Variants in MED23 observed in about 807,000 individuals in gnomAD.
MED23 encodes the protein mediator of RNA polymerase II transcription subunit 23.
A neutral mutation model predicts 163.9 loss-of-function variants in MED23; 105 were observed. That is an observed-to-expected ratio of 0.64 (90% CI 0.55 to 0.75). The LOEUF (loss-of-function observed/expected upper bound fraction) is 0.75, where lower values mean the gene tolerates loss of function less well. Ranked by LOEUF, MED23 falls within the 30% of genes least tolerant of loss-of-function variation. The pLI, the probability that MED23 is intolerant of heterozygous loss-of-function variation, is 0.00. For missense variants in MED23, 1,054 were observed against 1,649.0 expected (o/e 0.64, Z 6.25); for synonymous variants, 561 against 565.6 (o/e 0.99, Z 0.12).
chr6:131,586,459 T>G (rs960443300), downstream of MED23, among the ~76,000 whole-genome samples: 1 of 152,126 alleles, frequency 6.6e-6, no homozygotes, highest in Non-Finnish European at 1.5e-5. Context: ...TTATATAAAT[T>G]TTTAGCTGGA....
At position 131,605,621 on chromosome 6, in the gene MED23, T is replaced by C. The variant is rs1775800076; in HGVS notation, c.1368-136A>G. 4 of 849,614 alleles carry C rather than the reference T, an allele frequency of 4.7e-6. No homozygotes were observed. The East Asian group carries it at 1.1e-4, about 23-fold the overall frequency. 52.6% of individuals were successfully genotyped at this position (849,614 alleles called of 1,614,324 possible). On this transcript the variant is annotated intron_variant, in intron 13 of 28. Coordinates refer to ENST00000368068, the MANE Select transcript of MED23 (RefSeq NM_004830.4). ...GTTCCTATAGGTATTATAGTTTCTG[T>C]GTGAAATGTACAGTGGGAATACACA...
chr6:131,625,861 G>C (rs1294181199), intron 3 of MED23, among the ~76,000 whole-genome samples: 1 of 152,070 alleles, frequency 6.6e-6, no homozygotes, highest in Admixed American at 6.5e-5. Context: ...GGTGGCTCAT[G>C]CCTGTAATCC....
At chr6:131,605,079 A>G (rs1775759806) in intron 14 of MED23, among the ~76,000 whole-genome samples, 161 bp downstream of exon 14, 1 of 152,164 alleles carries the variant, frequency 6.6e-6, no homozygotes, top group African/African-American at 2.4e-5. Context: ...TAGAATTCCT[A>G]TAATAAAAAA....
intron 20 of MED23, among the ~76,000 whole-genome samples, chr6:131,597,475 CAAAAAAAAA>C (rs59083644): frequency 9.3e-5 from 5 of 53,754 alleles, no homozygotes; most frequent in Non-Finnish European, 7.7e-5. Context: ...GACTCCATAT[CAAAAAAAAA>C]AAAAAAAAAA....
chr6:131,585,121 G>A (rs1041227787), downstream of MED23, among the ~76,000 whole-genome samples: 1 of 151,918 alleles, frequency 6.6e-6, no homozygotes, highest in Non-Finnish European at 1.5e-5. Flanking sequence ...ATTACCTATG[G>A]CTTCCAACGT....
At chr6:131,619,976 T>C (rs1776973164) in intron 7 of MED23, 80 bp from the exon 8 acceptor site, 4 of 862,534 alleles carry the variant, frequency 4.6e-6, no homozygotes, top group Non-Finnish European at 7.9e-6. Context: ...TATATGAACA[T>C]TTATATAAAA....
chr6:131,584,977 C>T (rs1201633962), downstream of MED23, among the ~76,000 whole-genome samples: 1 of 131,448 alleles, frequency 7.6e-6, no homozygotes. Flanking sequence ...CCAGCCTGGG[C>T]AACAGAATGA....
intron 4 of MED23, among the ~76,000 whole-genome samples, chr6:131,624,101 C>T (rs1210354919): frequency 1.3e-5 from 2 of 152,198 alleles, no homozygotes; most frequent in Non-Finnish European, 2.9e-5. Context: ...CCTTGTGGTA[C>T]ACTGGATTTT....
intron 11 of MED23, among the ~76,000 whole-genome samples, chr6:131,608,350 T>C (rs940257298): frequency 5.3e-5 from 8 of 152,174 alleles, no homozygotes; most frequent in African/African-American, 1.4e-4. Context: ...CATAGTCATA[T>C]ACAACATGCA....
At position 131,618,400 on chromosome 6, in the gene MED23, A is replaced by C; in HGVS notation, c.780+7T>G. 6.3e-7 allele frequency: 1 copy of C among 1,593,616 alleles called. No homozygotes were observed. The highest frequency in any genetic ancestry group is 2.2e-5 in the East Asian group (1 of 44,718). On this transcript the variant is annotated splice_region_variant and intron_variant, in intron 9 of 28. Coordinates refer to ENST00000368068, the MANE Select transcript of MED23 (RefSeq NM_004830.4). The stretch of plus-strand genomic sequence containing the variant: ...GACTAAAAGTGCCATTATATTTAGC[A>C]ACATACCTTATCATATGGCAAAAGG...
intron 9 of MED23, among the ~76,000 whole-genome samples, chr6:131,617,443 A>C (rs969400765): frequency 6.6e-6 from 1 of 151,326 alleles, no homozygotes; most frequent in Admixed American, 6.6e-5. Context: ...AAACCTTAGA[A>C]ACAGTTACGG....
chr6:131,586,257 AG>A (rs914155606), downstream of MED23, among the ~76,000 whole-genome samples: 3 of 152,012 alleles, frequency 2.0e-5, no homozygotes, highest in African/African-American at 7.2e-5. Context: ...AAAATTAGCC[AG>A]GCGTGGTGGC....
intron 30 of MED23, among the ~76,000 whole-genome samples, chr6:131,575,098 T>G (rs959237322): frequency 6.6e-6 from 1 of 152,138 alleles, no homozygotes; most frequent in Non-Finnish European, 1.5e-5. Flanking sequence ...AGCCCAATCA[T>G]GAGAAGCCAT....
At chr6:131,580,527 A>T (rs960609996) in intron 30 of MED23, among the ~76,000 whole-genome samples, 2 of 152,198 alleles carry the variant, frequency 1.3e-5, no homozygotes, top group African/African-American at 4.8e-5. Context: ...AAACCGCAAT[A>T]CTTTTGCACC....
At chr6:131,575,910 C>T (rs1023920569) in intron 30 of MED23, among the ~76,000 whole-genome samples, 3 of 152,154 alleles carry the variant, frequency 2.0e-5, no homozygotes, top group Non-Finnish European at 2.9e-5. Context: ...TTTTCAGCTC[C>T]CAGATGATGA....
intron 3 of MED23, among the ~76,000 whole-genome samples, chr6:131,626,100 C>T (rs140752652): frequency 0.046 from 5,916 of 129,162 alleles, 181 homozygotes; most frequent in Middle Eastern, 0.077. Context: ...CTAGCCTGGG[C>T]GACAGAGTGA....
At position 131,598,130 on chromosome 6, in the gene MED23, T is replaced by C. The variant is rs546123571; in HGVS notation, c.2607+157A>G. 4.0e-5 allele frequency: 31 copies of C among 780,632 alleles called. 1 individual carries two copies. In the South Asian group the frequency reaches 5.5e-4, roughly 14 times the overall value. The allele number at this position is 780,632 out of a possible 1,614,324, so 48.4% of individuals were successfully genotyped here. On this transcript the variant is annotated intron_variant, in intron 20 of 28. Coordinates refer to ENST00000368068, the MANE Select transcript of MED23 (RefSeq NM_004830.4). This position sits in a 1 kb window ranked among gnomAD's most constrained non-coding sequence, Gnocchi z 4.7. Reference sequence around the variant, plus strand: ...AAACAAAAACAAACAAAAACAGAAATTGGAAAATTTCCGGCTCTTTAGGGA... The same window carrying C: ...AAACAAAAACAAACAAAAACAGAAACTGGAAAATTTCCGGCTCTTTAGGGA...
intron 9 of MED23, among the ~76,000 whole-genome samples, chr6:131,617,486 T>C (rs1441371745): frequency 6.6e-6 from 1 of 151,796 alleles, no homozygotes; most frequent in Non-Finnish European, 1.5e-5. Context: ...TTCTTTTAAA[T>C]TCATTCCCAT....
intron 11 of MED23, among the ~76,000 whole-genome samples, chr6:131,609,093 A>G (rs2114690917): frequency 6.6e-6 from 1 of 152,288 alleles, no homozygotes; most frequent in African/African-American, 2.4e-5. Context: ...TCTTTCACCT[A>G]GTCCACTGTA....
Sources: gnomAD v4.1 joint callset for allele counts (sites outside exome capture counted in the v4.1 genomes callset) on GRCh38, gnomAD v4.1.1 for gene constraint, Gnocchi (gnomAD v3.1) non-coding constraint, MANE v1.5 for transcripts, NCBI Gene and HGNC (gene_info 2026-07-23, HGNC 2026-07-21) for gene names.